The following MLYCD variants were observed in gnomAD, a reference collection of about 807,000 sequenced individuals.
The protein encoded by MLYCD is malonyl-CoA decarboxylase.
In MLYCD, 27 loss-of-function variants were observed where a neutral mutation model predicts 35.8. The ratio of observed to expected loss-of-function variants is 0.75; its 90% CI spans 0.56 to 1.04. MLYCD has a LOEUF of 1.04. Among genes scored for constraint, MLYCD ranks in the 50% least tolerant of loss-of-function variants. MLYCD has a pLI of 0.00. For synonymous variants in MLYCD, 403 were observed against 302.4 expected, an observed-to-expected ratio of 1.33 and a Z score of -3.45; for missense variants, 917 against 665.1, an observed-to-expected ratio of 1.38 and a Z score of -4.17.
intron 1 of MLYCD, among the ~76,000 whole-genome samples, chr16:83,901,734 C>T (rs1324805747): frequency 6.6e-6 from 1 of 152,178 alleles, no homozygotes; most frequent in African/African-American, 2.4e-5. Context: ...CCAGACTTGA[C>T]TGTTGAGAGA....
Position 83,924,555 on chromosome 16 carries a change from C to T in MLYCD, c.*9066C>T, listed in dbSNP as rs1383495172. The T allele has an allele frequency of 1.3e-5, 2 of 152,188 alleles. No individual in the cohort carries two copies. Among genetic ancestry groups the T allele is most frequent in the African/African-American group, 4.8e-5 (2 of 41,444 alleles). The allele number at this position is 152,188 out of a possible 1,614,324, so 9.4% of individuals were successfully genotyped here. ...AGAGGCTTGGCAAATATTTTTGGTT[C>T]ACTGAAGAAAGGCAGCCCTCACTCC... On this transcript the variant is annotated 3_prime_UTR_variant, in exon 5 of 5. Coordinates refer to ENST00000262430, the MANE Select transcript of MLYCD (RefSeq NM_012213.3).
At chr16:83,904,789 G>C (rs1906917063) in intron 1 of MLYCD, among the ~76,000 whole-genome samples, 1 of 152,156 alleles carries the variant, frequency 6.6e-6, no homozygotes, top group South Asian at 2.1e-4. Flanking sequence ...CCAGTGCTGA[G>C]GGTCACCGTC....
In MLYCD at chr16:83,923,769, T is replaced by A. The variant is rs538300206; in HGVS notation, c.*8280T>A. 86 of 152,534 alleles carry A rather than the reference T, an allele frequency of 5.6e-4. No individual in the cohort carries two copies. Among genetic ancestry groups the A allele is most frequent in the African/African-American group, 2.0e-3 (84 of 41,594 alleles). The allele number at this position is 152,534 out of a possible 1,614,324, so 9.4% of individuals were successfully genotyped here. ...CCACCCAGCTCTCCTTCCACCGCAC[T>A]GGTCCACCTCCTGACCGTACGTGGG... On this transcript the variant is annotated 3_prime_UTR_variant, in exon 5 of 5. Transcript: ENST00000262430.
Position 83,918,572 on chromosome 16 carries a change from GAACACACACAGTGCA to G in MLYCD, c.*3084_*3098del, listed in dbSNP as rs1907522518. ...GGAGAACACGCACACACGGTGCACA[GAACACACACAGTGCA>G]CAGGAGAACACGCACAGTGCACAGG... is the stretch of plus-strand genomic sequence containing the variant. On this transcript the variant is annotated 3_prime_UTR_variant, in exon 5 of 5. Coordinates refer to ENST00000262430, the MANE Select transcript of MLYCD (RefSeq NM_012213.3). The G allele has an allele frequency of 1.6e-5, 2 of 125,154 alleles. No homozygotes were observed. The highest frequency in any genetic ancestry group is 8.5e-5 in the African/African-American group (2 of 23,550). The allele number at this position is 125,154 out of a possible 1,614,324, so 7.8% of individuals were successfully genotyped here. A position where few individuals can be genotyped will look rare whatever the true frequency, so the allele number is the denominator to read the frequency against.
rs760752300 is a variant in MLYCD at position 83,915,229 on chromosome 16, G to A, written c.1222G>A (p.Gly408Arg). 2 of 1,613,576 alleles carry A rather than the reference G, an allele frequency of 1.2e-6. No individual in the cohort carries two copies. Among genetic ancestry groups the A allele is most frequent in the Non-Finnish European group, 1.7e-6 (2 of 1,179,534 alleles). ...GAGGCTGTGCGCCTGGTACCTGTATGGAGAGAAGCACCGCGGCTACGCGCT... is the reference window on the plus strand; with the variant it reads ...GAGGCTGTGCGCCTGGTACCTGTATAGAGAGAAGCACCGCGGCTACGCGCT... The part of the protein sequence containing the change: ...LMRLCAWYLY[G>R]EKHRGYALNP... The change falls in exon 5 of 5, where the codon GGA becomes AGA. Residue 408 changes from glycine (G) to arginine (R), a missense_variant. Coordinates refer to ENST00000262430, the MANE Select transcript of MLYCD (RefSeq NM_012213.3).
chr16:83,909,213 T>C (rs137889579), intron 3 of MLYCD, among the ~76,000 whole-genome samples: 170 of 152,256 alleles, frequency 1.1e-3, no homozygotes, highest in African/African-American at 3.4e-3. Context: ...GCATTCCTTC[T>C]GGCCTAACAA....
In MLYCD at chr16:83,920,925, G is replaced by C. The variant is rs1265135764; in HGVS notation, c.*5436G>C. 1.3e-5 allele frequency: 2 copies of C among 151,460 alleles called. No individual in the cohort carries two copies. The highest frequency in any genetic ancestry group is 4.9e-5 in the African/African-American group (2 of 41,098). 9.4% of individuals were successfully genotyped at this position (151,460 alleles called of 1,614,324 possible). A position where few individuals can be genotyped will look rare whatever the true frequency, so the allele number is the denominator to read the frequency against. The stretch of plus-strand genomic sequence containing the variant: ...AGATGGATGGATGGATGGATGGATG[G>C]ATGGATGGATGGATGGATGACAGAT... On this transcript the variant is annotated 3_prime_UTR_variant, in exon 5 of 5. Transcript: ENST00000262430.
Position 83,924,360 on chromosome 16 carries a change from A to G in MLYCD, c.*8871A>G, listed in dbSNP as rs993728781. On this transcript the variant is annotated 3_prime_UTR_variant, in exon 5 of 5. Transcript: ENST00000262430. ...CACCTCTTCATGTTGACGAGGGGAG[A>G]TGAGTGGCCCAGGCAGTTCCTAGAG... 2 of 152,170 alleles carry G rather than the reference A, an allele frequency of 1.3e-5. No individual in the cohort carries two copies. The highest frequency in any genetic ancestry group is 6.6e-5 in the Admixed American group (1 of 15,266). 9.4% of individuals were successfully genotyped at this position (152,170 alleles called of 1,614,324 possible). A position where few individuals can be genotyped will look rare whatever the true frequency, so the allele number is the denominator to read the frequency against.
In MLYCD at chr16:83,909,683, G is replaced by T. The variant is rs796490640; in HGVS notation, c.798+1401G>T. 9.9e-4 allele frequency among the ~76,000 whole-genome samples: 147 copies of T among 148,952 alleles called. 1 individual carries two copies. Among genetic ancestry groups the T allele is most frequent in the African/African-American group, 3.6e-3 (144 of 40,346 alleles). On this transcript the variant is annotated intron_variant, in intron 3 of 4. Coordinates refer to ENST00000262430, the MANE Select transcript of MLYCD (RefSeq NM_012213.3). ...CTTGCGCAGGCTAGAGTGCAATGGT[G>T]CTGTCTCGGCTCACTGCAACCTCCA...
Position 83,908,269 on chromosome 16 carries a change from C to T in MLYCD, c.785C>T (p.Ser262Phe), listed in dbSNP as rs1907052720. Residue 262 changes from serine (S) to phenylalanine (F), a missense_variant, in exon 3 of 5, where the codon TCC becomes TTC. By Grantham distance (155) the Ser-to-Phe change is radical (BLOSUM62 -2). Coordinates refer to ENST00000262430, the MANE Select transcript of MLYCD (RefSeq NM_012213.3). ...VLHVALTGDI[S>F]SNIQAIVKEH... Reference sequence around the variant, plus strand: ...CACGTGGCACTGACTGGTGACATCTCCAGCAACATCCAGGTACCTGCGATG... The same window carrying T: ...CACGTGGCACTGACTGGTGACATCTTCAGCAACATCCAGGTACCTGCGATG... 6.2e-7 allele frequency: 1 copy of T among 1,614,016 alleles called. No individual in the cohort carries two copies. Among genetic ancestry groups the T allele is most frequent in the African/African-American group, 1.3e-5 (1 of 74,924 alleles).
Position 83,915,803 on chromosome 16 carries a change from A to G in MLYCD, c.*314A>G. On this transcript the variant is annotated 3_prime_UTR_variant, in exon 5 of 5. Coordinates refer to ENST00000262430, the MANE Select transcript of MLYCD (RefSeq NM_012213.3). ...CTGGTGCTGTGGTACCTACATCTTC[A>G]GGAAGCTGTGCAGCCTCTGCCATTG... The G allele has an allele frequency of 7.9e-7, 1 of 1,273,384 alleles. No individual in the cohort carries two copies. The highest frequency in any genetic ancestry group is 1.0e-6 in the Non-Finnish European group (1 of 998,326). 78.9% of individuals were successfully genotyped at this position (1,273,384 alleles called of 1,614,324 possible). A position where few individuals can be genotyped will look rare whatever the true frequency, so the allele number is the denominator to read the frequency against.
Position 83,915,153 on chromosome 16 carries a change from C to T in MLYCD, c.1146C>T (p.Ser382=), listed in dbSNP as rs373273203. ...NETLKLLLSS[S]EWVQSEKLVR... is the part of the protein sequence containing the mutation. ...CCCTCAAGCTCCTCCTCAGCAGCAG[C>T]GAGTGGGTGCAGTCGGAGAAGCTGG... Residue 382 remains serine (S), a synonymous_variant, in exon 5 of 5, where the codon AGC becomes AGT. Transcript: ENST00000262430. 213 of 1,614,116 alleles carry T rather than the reference C, an allele frequency of 1.3e-4. No individual in the cohort carries two copies. Among genetic ancestry groups the T allele is most frequent in the Non-Finnish European group, 1.5e-4 (182 of 1,180,038 alleles).
Position 83,915,389 on chromosome 16 carries a change from C to G in MLYCD, c.1382C>G (p.Thr461Arg). 6.2e-7 allele frequency: 1 copy of G among 1,613,894 alleles called. No homozygotes were observed. The highest frequency in any genetic ancestry group is 8.5e-7 in the Non-Finnish European group (1 of 1,180,042). The stretch of plus-strand genomic sequence containing the variant: ...AACTACCGCTACTTCCTGGAGGAGA[C>G]GGGCCCCAACAGCACCTCCTACCTC... ...MANYRYFLEE[T>R]GPNSTSYLGS... The change falls in exon 5 of 5, where the codon ACG becomes AGG. Residue 461 changes from threonine (T) to arginine (R), a missense_variant. By Grantham distance (71) the Thr-to-Arg change is moderately conservative. Coordinates refer to ENST00000262430, the MANE Select transcript of MLYCD (RefSeq NM_012213.3).
In MLYCD at chr16:83,899,134, T is replaced by C. The variant is rs886052355; in HGVS notation, c.-11T>C. ...GGCGGCGCTCCCCCTCGGCAGCTGT[T>C]GTGGGGCACCATGCGAGGCTTCGGG... On this transcript the variant is annotated 5_prime_UTR_variant, in exon 1 of 5. Transcript: ENST00000262430. 3.6e-6 allele frequency: 4 copies of C among 1,124,202 alleles called. No individual in the cohort carries two copies. In the East Asian group the frequency reaches 2.2e-4, roughly 62 times the overall value. The allele number at this position is 1,124,202 out of a possible 1,614,324, so 69.6% of individuals were successfully genotyped here.
At chr16:83,914,358 C>A (rs1047045641) in intron 4 of MLYCD, 2 of 176,174 alleles carry the variant, frequency 1.1e-5, no homozygotes, top group Admixed American at 5.4e-5. Flanking sequence ...TCCCTGGCCA[C>A]TCGTGTGCCG....
Position 83,916,257 on chromosome 16 carries a change from G to A in MLYCD, c.*768G>A. ...GCTGGAATCAGCCAGCCAGCCTACGGGGAGTTTGGGATGAAGGAGCCTGGG... is the reference window on the plus strand; with the variant it reads ...GCTGGAATCAGCCAGCCAGCCTACGAGGAGTTTGGGATGAAGGAGCCTGGG... On this transcript the variant is annotated 3_prime_UTR_variant, in exon 5 of 5. Transcript: ENST00000262430. 1.0e-6 allele frequency: 1 copy of A among 962,160 alleles called. No homozygotes were observed. Among genetic ancestry groups the A allele is most frequent in the Non-Finnish European group, 1.2e-6 (1 of 806,990 alleles). 59.6% of individuals were successfully genotyped at this position (962,160 alleles called of 1,614,324 possible). A position where few individuals can be genotyped will look rare whatever the true frequency, so the allele number is the denominator to read the frequency against.
chr16:83,901,306 G>GTAAA (rs1906777442), intron 1 of MLYCD, among the ~76,000 whole-genome samples: 1 of 152,184 alleles, frequency 6.6e-6, no homozygotes, highest in South Asian at 2.1e-4. Context: ...ATCCCCCCAT[G>GTAAA]TAAATGATCA....
intron 3 of MLYCD, among the ~76,000 whole-genome samples, chr16:83,909,942 GTAT>G (rs1423966445): frequency 6.6e-6 from 1 of 151,994 alleles, no homozygotes; most frequent in Non-Finnish European, 1.5e-5. Flanking sequence ...GCTGATATAG[GTAT>G]TATTATGAGA....
chr16:83,916,182 A>G lies in MLYCD; in HGVS notation c.*693A>G, dbSNP rs1907379581. On this transcript the variant is annotated 3_prime_UTR_variant, in exon 5 of 5. Transcript: ENST00000262430. ...ACACGTTTGTTCTGTAAAGCATTGA[A>G]CATCTGATTGTGTAGTGGTGGTCGT... The G allele has an allele frequency of 2.0e-6, 2 of 989,328 alleles. No homozygotes were observed. The highest frequency in any genetic ancestry group is 1.1e-4 in the East Asian group (1 of 8,866). 61.3% of individuals were successfully genotyped at this position (989,328 alleles called of 1,614,324 possible).
Sources: allele counts gnomAD v4.1 joint callset (sites outside exome capture counted in the v4.1 genomes callset), GRCh38; gene constraint gnomAD v4.1.1; transcripts MANE v1.5; gene names NCBI Gene and HGNC (gene_info 2026-07-23, HGNC 2026-07-21).